Variants in CDH4 observed in about 807,000 individuals in gnomAD.
The protein encoded by CDH4 is cadherin-4.
CDH4 carries 33 observed loss-of-function variants against 86.0 expected under a neutral mutation model. The observed-to-expected ratio is 0.38, with a 90% CI of 0.29 to 0.51. The LOEUF (loss-of-function observed/expected upper bound fraction) is 0.51, where lower values mean the gene tolerates loss of function less well. Among genes scored for constraint, CDH4 ranks in the 20% least tolerant of loss-of-function variants. The pLI is 0.86. For missense variants in CDH4, 1,114 were observed against 1,307.4 expected (o/e 0.85, Z 2.28); for synonymous variants, 555 against 549.4 (o/e 1.01, Z -0.14).
chr20:61,716,428 GCCCTGA>G (rs2087955552), intron 2 of CDH4, among the ~76,000 whole-genome samples: 32 of 152,210 alleles, frequency 2.1e-4, no homozygotes, highest in South Asian at 1.5e-3. Context: ...GCTGCCTCTT[GCCCTGA>G]GCTGGGGCTT....
At chr20:61,644,378 C>T (rs2087040218) in intron 2 of CDH4, among the ~76,000 whole-genome samples, 2 of 152,206 alleles carry the variant, frequency 1.3e-5, no homozygotes, top group Non-Finnish European at 2.9e-5. Flanking sequence ...CCTTCGAGGA[C>T]GGGGAGCAGA....
At chr20:61,354,021 G>A (rs538630441) in intron 2 of CDH4, among the ~76,000 whole-genome samples, 3 of 152,074 alleles carry the variant, frequency 2.0e-5, no homozygotes, top group African/African-American at 7.2e-5. Flanking sequence ...ACAGGGATGG[G>A]GATTATTCTG....
At chr20:61,566,486 A>C (rs2086298898) in intron 2 of CDH4, among the ~76,000 whole-genome samples, 1 of 152,080 alleles carries the variant, frequency 6.6e-6, no homozygotes, top group Non-Finnish European at 1.5e-5. Context: ...TAGAACGCTC[A>C]TTTTTATTAA....
rs1600731420 is a variant in CDH4 at position 61,879,143 on chromosome 20, C to G, written c.1050+5243C>G. On this transcript the variant is annotated intron_variant, in intron 7 of 15. Coordinates refer to ENST00000614565, the MANE Select transcript of CDH4 (RefSeq NM_001794.5). The surrounding 1 kb of genome is among the most constrained non-coding windows in gnomAD (Gnocchi z 4.1). ...GCGGCCACTGACAGCAGTGTAGACG[C>G]CAAGCGAGCACCAGTTCAGCTCCCC... Among the ~76,000 whole-genome samples, 1 of 152,332 alleles carries G rather than the reference C, an allele frequency of 6.6e-6. No individual in the cohort carries two copies. The highest frequency in any genetic ancestry group is 1.5e-5 in the Non-Finnish European group (1 of 68,036).
intron 5 of CDH4, among the ~76,000 whole-genome samples, chr20:61,847,445 T>C (rs1396479482): frequency 1.3e-5 from 2 of 151,956 alleles, no homozygotes; most frequent in East Asian, 3.9e-4. Flanking sequence ...CATGCACAGG[T>C]AGAAATTTTC....
At chr20:61,375,168 A>G (rs911744537) in intron 2 of CDH4, among the ~76,000 whole-genome samples, 3 of 152,230 alleles carry the variant, frequency 2.0e-5, no homozygotes, top group Non-Finnish European at 4.4e-5. Flanking sequence ...GTCACAGGCC[A>G]GGGTCACTCA....
chr20:61,785,300 C>T lies in CDH4; in HGVS notation c.576+12118C>T, dbSNP rs142433305. Among the ~76,000 whole-genome samples, 1,234 of 152,270 alleles carry T rather than the reference C, an allele frequency of 8.1e-3. 18 individuals are homozygous for T. The highest frequency in any genetic ancestry group is 0.028 in the African/African-American group (1,155 of 41,562). On this transcript the variant is annotated intron_variant, in intron 4 of 15. Transcript: ENST00000614565. ...TGGCAGCTCAGTTTTGCCTACCATC[C>T]GCTTCCTCCTGCTGGGCTGTGGGCT...
intron 2 of CDH4, among the ~76,000 whole-genome samples, chr20:61,735,235 C>T (rs1398826240): frequency 6.6e-6 from 1 of 152,200 alleles, no homozygotes; most frequent in East Asian, 1.9e-4. Context: ...ACTCCCCCGT[C>T]TCCCCAGCAG....
At chr20:61,278,654 A>G (rs1157611403) in intron 2 of CDH4, among the ~76,000 whole-genome samples, 4 of 152,224 alleles carry the variant, frequency 2.6e-5, no homozygotes, top group African/African-American at 9.6e-5. Context: ...AATGTTCAAA[A>G]TGCAAGGGAA....
intron 3 of CDH4, among the ~76,000 whole-genome samples, chr20:61,751,301 C>T (rs1291917084): frequency 6.6e-6 from 1 of 152,224 alleles, no homozygotes; most frequent in Non-Finnish European, 1.5e-5. Context: ...GCAACCAAAG[C>T]TCTTTCCAGC....
At chr20:61,920,356 ATGGAAGCGTGTCGTGAT>A (rs2054963223) in intron 9 of CDH4, among the ~76,000 whole-genome samples, 2 of 72,004 alleles carry the variant, frequency 2.8e-5, no homozygotes, top group African/African-American at 1.1e-4. Flanking sequence ...TAGTGATTGC[ATGGAAGCGTGTCGTGAT>A]TGGAAGCGTG....
At chr20:61,691,267 G>T (rs774521606) in intron 2 of CDH4, among the ~76,000 whole-genome samples, 19 of 152,174 alleles carry the variant, frequency 1.2e-4, no homozygotes, top group Non-Finnish European at 2.5e-4. Flanking sequence ...GTGTGTGCAA[G>T]TGTGTGTATG....
chr20:61,464,470 A>G (rs966687182), intron 2 of CDH4, among the ~76,000 whole-genome samples: 1 of 152,196 alleles, frequency 6.6e-6, no homozygotes, highest in Non-Finnish European at 1.5e-5. Flanking sequence ...ATAGACCAGA[A>G]TAGCTTCGTT....
intron 6 of CDH4, among the ~76,000 whole-genome samples, chr20:61,857,618 C>A (rs138377906): frequency 1.3e-4 from 20 of 152,388 alleles, no homozygotes; most frequent in African/African-American, 4.3e-4. Flanking sequence ...AGCTTCGCCA[C>A]TTTCGTCTGC....
chr20:61,348,193 C>T (rs2084690526), intron 2 of CDH4, among the ~76,000 whole-genome samples: 2 of 152,114 alleles, frequency 1.3e-5, no homozygotes, highest in African/African-American at 4.8e-5. Flanking sequence ...TTCCACATGG[C>T]TTGGAAGGTC....
chr20:61,764,905 C>A (rs6061812), intron 3 of CDH4, among the ~76,000 whole-genome samples: 1 of 151,980 alleles, frequency 6.6e-6, no homozygotes, highest in Non-Finnish European at 1.5e-5. Context: ...CTGCTGCTGC[C>A]GCCTCCGTAA....
rs1380828772 is a variant in CDH4, at chr20:61,296,378, C to G, written c.169+41441C>G. On this transcript the variant is annotated intron_variant, in intron 2 of 15. Transcript: ENST00000614565. ...GATCTACTACCTGCCTGACTCTTTT[C>G]TCAGCACTGCAGGCCACGGGCCATG... 3.3e-5 allele frequency among the ~76,000 whole-genome samples: 5 copies of G among 151,870 alleles called. No homozygotes were observed. In the East Asian group the frequency reaches 9.7e-4, roughly 29 times the overall value.
intron 2 of CDH4, among the ~76,000 whole-genome samples, chr20:61,323,526 C>T (rs564294750): frequency 2.9e-4 from 44 of 152,332 alleles, no homozygotes; most frequent in African/African-American, 9.6e-4. Context: ...CACCTGACGT[C>T]GGAGCCAGTG....
intron 13 of CDH4, 51 bp from the exon 14 acceptor site, chr20:61,932,934 A>C (rs958958037): frequency 1.3e-6 from 2 of 1,593,968 alleles, no homozygotes; most frequent in Admixed American, 3.4e-5. Flanking sequence ...ACAGAGGCAC[A>C]CATGCGCACA....
Sources: gnomAD v4.1 joint callset for allele counts (sites outside exome capture counted in the v4.1 genomes callset) on GRCh38, gnomAD v4.1.1 for gene constraint, Gnocchi (gnomAD v3.1) non-coding constraint, MANE v1.5 for transcripts, NCBI Gene and HGNC (gene_info 2026-07-23, HGNC 2026-07-21) for gene names.